CLSTN2: variants seen among roughly 807,000 people sequenced by gnomAD.
CLSTN2 encodes the protein calsyntenin-2.
In CLSTN2, 48 loss-of-function variants were observed where a neutral mutation model predicts 101.2. The observed-to-expected ratio is 0.47, with a 90% CI of 0.38 to 0.60. The LOEUF is 0.60. Among genes scored for constraint, CLSTN2 ranks in the 20% least tolerant of loss-of-function variants. CLSTN2 has a pLI of 0.00. For synonymous variants in CLSTN2, 481 were observed against 463.6 expected (o/e 1.04, Z -0.48); for missense variants, 1,160 against 1,238.2 (o/e 0.94, Z 0.95).
chr3:140,435,337 A>G (rs2108000442), intron 5 of CLSTN2, among the ~76,000 whole-genome samples: 1 of 152,224 alleles, frequency 6.6e-6, no homozygotes, highest in East Asian at 1.9e-4. Context: ...TCTGTGCTTG[A>G]CTTATTTCAC....
At chr3:140,397,257 G>A (rs1404919489) in intron 2 of CLSTN2, among the ~76,000 whole-genome samples, 1 of 152,064 alleles carries the variant, frequency 6.6e-6, no homozygotes, top group Non-Finnish European at 1.5e-5. Flanking sequence ...TGTTATTTAG[G>A]TAGAAGTATA....
intron 2 of CLSTN2, among the ~76,000 whole-genome samples, chr3:140,277,099 G>A (rs924002905): frequency 6.6e-6 from 1 of 152,202 alleles, no homozygotes; most frequent in Admixed American, 6.5e-5. Context: ...CGCTAAATTG[G>A]ATTACAGTAA....
At chr3:140,091,841 C>T (rs979086829) in intron 1 of CLSTN2, among the ~76,000 whole-genome samples, 1 of 152,174 alleles carries the variant, frequency 6.6e-6, no homozygotes, top group Non-Finnish European at 1.5e-5. Flanking sequence ...GCTTTTATTG[C>T]CTCACCATAC....
At chr3:139,996,006 A>G (rs371101557) in intron 1 of CLSTN2, among the ~76,000 whole-genome samples, 8 of 152,332 alleles carry the variant, frequency 5.3e-5, no homozygotes, top group African/African-American at 1.9e-4. Flanking sequence ...TAAGCATCAT[A>G]TATTACTAGT....
At chr3:140,146,674 A>T (rs1344034755) in intron 1 of CLSTN2, among the ~76,000 whole-genome samples, 1 of 152,246 alleles carries the variant, frequency 6.6e-6, no homozygotes, top group African/African-American at 2.4e-5. Context: ...AGTCCAAAAG[A>T]GTAATGGTGC....
At chr3:140,288,329 G>A (rs935107323) in intron 2 of CLSTN2, among the ~76,000 whole-genome samples, 12 of 152,102 alleles carry the variant, frequency 7.9e-5, no homozygotes, top group African/African-American at 1.7e-4. Context: ...ATAAGTGTCC[G>A]CTCTGGGTTA....
chr3:139,977,043 A>G (rs1257585869), intron 1 of CLSTN2, among the ~76,000 whole-genome samples: 1 of 152,088 alleles, frequency 6.6e-6, no homozygotes, highest in African/African-American at 2.4e-5. Context: ...CCATTTGCAA[A>G]CAGGAATCAG....
chr3:139,968,045 A>G (rs6778316), intron 1 of CLSTN2, among the ~76,000 whole-genome samples: 7 of 152,154 alleles, frequency 4.6e-5, no homozygotes, highest in African/African-American at 1.4e-4. Flanking sequence ...ATTAGGTACA[A>G]TCAAAATATC....
chr3:139,998,377 C>T (rs1244625866), intron 1 of CLSTN2, among the ~76,000 whole-genome samples: 2 of 54,680 alleles, frequency 3.7e-5, no homozygotes, highest in African/African-American at 1.2e-4. Flanking sequence ...CTCTCTTTGT[C>T]GCCCAGGCTG....
chr3:140,541,094 C>A (rs937290098), intron 9 of CLSTN2, among the ~76,000 whole-genome samples: 2 of 152,078 alleles, frequency 1.3e-5, no homozygotes, highest in African/African-American at 4.8e-5. Context: ...CCCAACCCAT[C>A]CCCCTCCAAG....
intron 1 of CLSTN2, among the ~76,000 whole-genome samples, chr3:140,055,565 A>G (rs950358682): frequency 2.6e-5 from 4 of 152,210 alleles, no homozygotes; most frequent in African/African-American, 9.7e-5. Flanking sequence ...TACATGCAAC[A>G]AGGAAATAAC....
chr3:140,235,836 T>C (rs2086411957), intron 2 of CLSTN2, among the ~76,000 whole-genome samples: 1 of 152,106 alleles, frequency 6.6e-6, no homozygotes, highest in Non-Finnish European at 1.5e-5. Context: ...ACAGTTTATT[T>C]GTGGGAAGGG....
chr3:140,269,328 A>C (rs1385385171), intron 2 of CLSTN2, among the ~76,000 whole-genome samples: 1 of 152,166 alleles, frequency 6.6e-6, no homozygotes, highest in African/African-American at 2.4e-5. Context: ...GGCCAAATGA[A>C]CCGAGCTGAA....
At chr3:140,510,053 A>G (rs934008599) in intron 8 of CLSTN2, among the ~76,000 whole-genome samples, 2 of 152,256 alleles carry the variant, frequency 1.3e-5, no homozygotes, top group African/African-American at 4.8e-5. Flanking sequence ...TTAGCCTACA[A>G]TTGGGCAAAT....
chr3:140,290,226 AG>A lies in CLSTN2; in HGVS notation c.233-113402del, dbSNP rs1443652215. The stretch of plus-strand genomic sequence containing the variant: ...TGGAATGTGATCAAGTTCATCTCAC[AG>A]TTAGTTCAGTGAATAGTTTCCCTGA... On this transcript the variant is annotated intron_variant, in intron 2 of 16. Transcript: ENST00000458420. Among the ~76,000 whole-genome samples, 8 of 152,252 alleles carry A rather than the reference AG, an allele frequency of 5.3e-5. No homozygotes were observed. In the East Asian group the frequency reaches 1.5e-3, roughly 29 times the overall value.
intron 2 of CLSTN2, among the ~76,000 whole-genome samples, chr3:140,295,589 C>T (rs913851604): frequency 6.6e-6 from 1 of 152,140 alleles, no homozygotes; most frequent in African/African-American, 2.4e-5. Context: ...TATTACACAA[C>T]TGCCCCAAGT....
chr3:140,320,061 G>C (rs534592620), intron 2 of CLSTN2, among the ~76,000 whole-genome samples: 1 of 152,364 alleles, frequency 6.6e-6, no homozygotes, highest in African/African-American at 2.4e-5. Flanking sequence ...GGATCATAAA[G>C]TATGGCCAGG....
rs570383595 is a variant in CLSTN2, at chr3:140,473,768, G to GT, written c.1344+7044dup. Among the ~76,000 whole-genome samples the GT allele has an allele frequency of 4.3e-3, 648 of 150,750 alleles. 2 individuals carry two copies. The highest frequency in any genetic ancestry group is 6.3e-3 in the Non-Finnish European group (426 of 67,568). ...TGTTTTTTTTTTGTTGTTGTTGTTT[G>GT]TTTTTTTGAGACAGAGTCTTGCTTT... On this transcript the variant is annotated intron_variant, in intron 8 of 16. Transcript: ENST00000458420.
At chr3:140,389,220 G>A (rs538072252) in intron 2 of CLSTN2, among the ~76,000 whole-genome samples, 1 of 152,154 alleles carries the variant, frequency 6.6e-6, no homozygotes, top group African/African-American at 2.4e-5. Flanking sequence ...GTGGTTTGCT[G>A]TATCTATCAA....
Sources: allele counts gnomAD v4.1 joint callset (sites outside exome capture counted in the v4.1 genomes callset), GRCh38; gene constraint gnomAD v4.1.1; transcripts MANE v1.5; gene names NCBI Gene and HGNC (gene_info 2026-07-23, HGNC 2026-07-21).